PLEKHH2: variants seen among roughly 807,000 people sequenced by gnomAD.
PLEKHH2 encodes pleckstrin homology domain-containing family H member 2.
PLEKHH2 carries 129 observed loss-of-function variants against 187.9 expected under a neutral mutation model. The observed-to-expected ratio is 0.69, with a 90% CI of 0.59 to 0.79. The LOEUF (loss-of-function observed/expected upper bound fraction) is 0.79. PLEKHH2 is among the 30% of genes least tolerant of loss of function. The probability of loss-of-function intolerance (pLI) is 0.00; values close to 1 mark genes in which losing one functional copy is unlikely to be tolerated. For synonymous variants in PLEKHH2, 686 were observed against 605.6 expected, an observed-to-expected ratio of 1.13 and a Z score of -1.95; for missense variants, 2,076 against 1,751.2, an observed-to-expected ratio of 1.19 and a Z score of -3.31.
chr2:43,710,700 T>TTGGC, intron 14 of PLEKHH2, 125 bp downstream of exon 14: 1 of 1,461,962 alleles, frequency 6.8e-7, no homozygotes. Context: ...GGGGGTTAGT[T>TTGGC]TGATGCCTTG....
chr2:43,681,247 T>A, intron 3 of PLEKHH2: 1 of 659,142 alleles, frequency 1.5e-6, no homozygotes, highest in East Asian at 2.6e-5. Flanking sequence ...TTTTTCCAAT[T>A]ACAATCCTCC....
At chr2:43,762,084 A>C (rs1412491729) in intron 27 of PLEKHH2, among the ~76,000 whole-genome samples, 3 of 152,222 alleles carry the variant, frequency 2.0e-5, no homozygotes, top group Non-Finnish European at 4.4e-5. Flanking sequence ...TGCATACATT[A>C]ATATATGGCA....
At chr2:43,698,008 G>C (rs1669172859) in intron 7 of PLEKHH2, among the ~76,000 whole-genome samples, 1 of 151,936 alleles carries the variant, frequency 6.6e-6, no homozygotes, top group African/African-American at 2.4e-5. Context: ...GTAGCTGTTG[G>C]CTTTGCCACC....
chr2:43,710,338 G>C lies in PLEKHH2; in HGVS notation c.2214+8G>C, dbSNP rs770110994. 4.3e-6 allele frequency: 7 copies of C among 1,611,310 alleles called. No individual in the cohort carries two copies. In the African/African-American group the frequency reaches 9.4e-5, roughly 22 times the overall value. On this transcript the variant is annotated splice_region_variant and intron_variant, in intron 13 of 29. Coordinates refer to ENST00000282406, the MANE Select transcript of PLEKHH2 (RefSeq NM_172069.4). ...CTTTACTACAAATCTCCGGTGAGTG[G>C]AAAGTGTTTTCTGTTTAGAACGTAA...
intron 17 of PLEKHH2, among the ~76,000 whole-genome samples, chr2:43,729,362 A>T (rs1670926717): frequency 6.6e-6 from 1 of 152,212 alleles, no homozygotes; most frequent in African/African-American, 2.4e-5. Context: ...GGTTGTATTT[A>T]GTCTCTTAAC....
chr2:43,741,754 G>T (rs1268935077), intron 21 of PLEKHH2, among the ~76,000 whole-genome samples: 1 of 152,214 alleles, frequency 6.6e-6, no homozygotes, highest in Non-Finnish European at 1.5e-5. Flanking sequence ...AATTTCAGTT[G>T]CAGTCACTGA....
At chr2:43,691,146 A>G (rs879852856) in intron 3 of PLEKHH2, among the ~76,000 whole-genome samples, 9 of 152,114 alleles carry the variant, frequency 5.9e-5, no homozygotes, top group Non-Finnish European at 1.3e-4. Context: ...CATTACCCTT[A>G]TTGATGCAGG....
intron 2 of PLEKHH2, among the ~76,000 whole-genome samples, chr2:43,674,701 G>A (rs1463135667): frequency 6.6e-6 from 1 of 152,134 alleles, no homozygotes; most frequent in Non-Finnish European, 1.5e-5. Flanking sequence ...ATGCTGCCAT[G>A]GGGCTGCGTG....
chr2:43,751,300 A>G (rs776173882), intron 24 of PLEKHH2, among the ~76,000 whole-genome samples: 1 of 152,216 alleles, frequency 6.6e-6, no homozygotes, highest in Non-Finnish European at 1.5e-5. Context: ...CCACTGAGGC[A>G]GGAAGAGAAC....
intron 24 of PLEKHH2, among the ~76,000 whole-genome samples, chr2:43,746,339 G>A (rs191487417): frequency 3.3e-5 from 5 of 151,974 alleles, no homozygotes; most frequent in African/African-American, 7.3e-5. Flanking sequence ...GCAAAACCCC[G>A]CCTCTACTAA....
chr2:43,712,530 A>C, intron 15 of PLEKHH2, 147 bp downstream of exon 15: 1 of 883,332 alleles, frequency 1.1e-6, no homozygotes, highest in Admixed American at 3.8e-5. Context: ...TATGATGCCC[A>C]AGGCAAAAAC....
intron 2 of PLEKHH2, among the ~76,000 whole-genome samples, chr2:43,659,444 T>C (rs769824237): frequency 6.6e-6 from 1 of 152,076 alleles, no homozygotes; most frequent in Non-Finnish European, 1.5e-5. Flanking sequence ...ACATAAGAAA[T>C]CTGAAGTCTT....
intron 2 of PLEKHH2, among the ~76,000 whole-genome samples, chr2:43,670,768 A>T (rs1460605279): frequency 1.3e-5 from 2 of 152,102 alleles, no homozygotes; most frequent in African/African-American, 4.8e-5. Flanking sequence ...ATTGGAAGAG[A>T]ACTGACAATA....
intron 3 of PLEKHH2, among the ~76,000 whole-genome samples, chr2:43,684,579 G>A (rs1210106997): frequency 6.6e-6 from 1 of 151,432 alleles, no homozygotes; most frequent in African/African-American, 2.4e-5. Flanking sequence ...GGTCTTATGA[G>A]ATCCAGTGAG....
chr2:43,647,764 T>A (rs535006798), intron 2 of PLEKHH2, among the ~76,000 whole-genome samples: 2 of 152,244 alleles, frequency 1.3e-5, no homozygotes, highest in South Asian at 2.1e-4. Context: ...TCCCCCTAAA[T>A]GGATGCAGGC....
chr2:43,734,135 G>C (rs928685030), intron 19 of PLEKHH2, among the ~76,000 whole-genome samples: 1 of 152,034 alleles, frequency 6.6e-6, no homozygotes. Context: ...TATGAGTAGA[G>C]AGAATATTAC....
chr2:43,686,706 TG>T (rs1216254094), intron 3 of PLEKHH2, among the ~76,000 whole-genome samples: 1 of 152,230 alleles, frequency 6.6e-6, no homozygotes, highest in African/African-American at 2.4e-5. Context: ...ATAATTGTGT[TG>T]TAAATGTGAT....
In PLEKHH2 at chr2:43,690,699, C is replaced by G. The variant is rs535805319; in HGVS notation, c.187-1815C>G. Among the ~76,000 whole-genome samples the G allele has an allele frequency of 2.0e-5, 3 of 152,178 alleles. No individual in the cohort carries two copies. In the East Asian group the frequency reaches 5.8e-4, roughly 29 times the overall value. ...AAACGTTGCTAAAATTTTAGTCTTA[C>G]CTATTTGGAGTATGTAGAATGAAAG... On this transcript the variant is annotated intron_variant, in intron 3 of 29. Transcript: ENST00000282406.
chr2:43,685,839 AG>A (rs1218085842), intron 3 of PLEKHH2, among the ~76,000 whole-genome samples: 1 of 152,366 alleles, frequency 6.6e-6, no homozygotes, highest in Non-Finnish European at 1.5e-5. Context: ...GAGATAGAAA[AG>A]CAGCAAAGAG....
Sources: allele counts gnomAD v4.1 joint callset (sites outside exome capture counted in the v4.1 genomes callset), GRCh38; gene constraint gnomAD v4.1.1; transcripts MANE v1.5; gene names NCBI Gene and HGNC (gene_info 2026-07-23, HGNC 2026-07-21).